Variants in ZNG1B observed in about 807,000 individuals in gnomAD.
The protein encoded by ZNG1B is Zn regulated GTPase metalloprotein activator 1B.
At chr2:113,477,799 C>G in the ZNG1B span, among the ~76,000 whole-genome samples, 2 of 152,230 alleles carry the variant, frequency 1.3e-5, no homozygotes, top group South Asian at 4.1e-4. Flanking sequence ...AAGCTTTATA[C>G]CCCTTGAATA....
the ZNG1B span, chr2:113,444,939 T>G: frequency 1.2e-6 from 2 of 1,608,556 alleles, no homozygotes; most frequent in Non-Finnish European, 1.7e-6. Flanking sequence ...TAATTAACTG[T>G]AAATGATGTT....
chr2:113,468,700 G>A, the ZNG1B span: 1 of 150,708 alleles, frequency 6.6e-6, no homozygotes, highest in Non-Finnish European at 1.5e-5. Context: ...TTGATGCCAT[G>A]GAAATTAGTT....
chr2:113,487,019 C>A, the ZNG1B span, among the ~76,000 whole-genome samples: 1 of 145,872 alleles, frequency 6.9e-6, no homozygotes, highest in Non-Finnish European at 1.5e-5. Flanking sequence ...TTATTATTAC[C>A]TTATGCTATA....
At chr2:113,444,607 C>G in the ZNG1B span, among the ~76,000 whole-genome samples, 3 of 151,822 alleles carry the variant, frequency 2.0e-5, no homozygotes, top group East Asian at 3.8e-4. Flanking sequence ...GTCCCTTTAG[C>G]TATTATATTA....
chr2:113,462,356 A>G, the ZNG1B span: 17 of 1,529,920 alleles, frequency 1.1e-5, no homozygotes, highest in Non-Finnish European at 1.4e-5. Flanking sequence ...ATTAATCTGC[A>G]TGCGTGTATA....
the ZNG1B span, among the ~76,000 whole-genome samples, chr2:113,472,299 T>C: frequency 2.0e-5 from 3 of 152,178 alleles, no homozygotes; most frequent in African/African-American, 7.2e-5. Flanking sequence ...GAAGTGTCTG[T>C]TCATGTCCTT....
At chr2:113,494,534 A>G in the ZNG1B span, 1 of 780,438 alleles carries the variant, frequency 1.3e-6, no homozygotes, top group African/African-American at 2.0e-5. Flanking sequence ...GTTTTTGGTA[A>G]ATTAAGAATA....
the ZNG1B span, among the ~76,000 whole-genome samples, chr2:113,463,863 G>C: frequency 6.6e-6 from 1 of 151,506 alleles, no homozygotes; most frequent in East Asian, 1.9e-4. Context: ...TAGTAAAAAA[G>C]GGAAGAAAGA....
chr2:113,453,632 T>G, the ZNG1B span, among the ~76,000 whole-genome samples: 9 of 148,354 alleles, frequency 6.1e-5, no homozygotes, highest in Admixed American at 1.4e-4. Flanking sequence ...CTTGCATTGT[T>G]GTTCTTTTCA....
the ZNG1B span, among the ~76,000 whole-genome samples, chr2:113,478,226 G>A: frequency 6.6e-6 from 1 of 151,936 alleles, no homozygotes; most frequent in Admixed American, 6.6e-5. Context: ...CATAGTGGGT[G>A]GCTCTACATT....
the ZNG1B span, among the ~76,000 whole-genome samples, chr2:113,442,265 A>T: frequency 6.6e-6 from 1 of 151,816 alleles, no homozygotes; most frequent in Non-Finnish European, 1.5e-5. Context: ...TCTCAACTGA[A>T]ATATTAAACT....
the ZNG1B span, among the ~76,000 whole-genome samples, chr2:113,491,935 C>T: frequency 3.3e-5 from 4 of 120,134 alleles, 1 homozygote; most frequent in East Asian, 3.9e-4. Flanking sequence ...AACCACAGTG[C>T]GATACCACCT....
the ZNG1B span, among the ~76,000 whole-genome samples, chr2:113,455,853 G>A: frequency 2.6e-5 from 2 of 77,552 alleles, no homozygotes; most frequent in East Asian, 5.4e-4. Flanking sequence ...CCTGAGTATC[G>A]GATTACAGGT....
the ZNG1B span, chr2:113,457,323 A>T: frequency 2.9e-6 from 1 of 350,302 alleles, no homozygotes; most frequent in African/African-American, 2.2e-5. Context: ...GACATTATGC[A>T]ATAATTTTTT....
the ZNG1B span, among the ~76,000 whole-genome samples, chr2:113,441,936 C>T: frequency 6.6e-6 from 1 of 152,140 alleles, no homozygotes; most frequent in Admixed American, 6.5e-5. Context: ...GACAGGGTTT[C>T]ACCATGTTGG....
the ZNG1B span, chr2:113,455,550 T>C: frequency 2.3e-6 from 3 of 1,283,138 alleles, no homozygotes; most frequent in Non-Finnish European, 3.0e-6. Context: ...TTTCTCAGCT[T>C]CCCAAGTGAA....
the ZNG1B span, among the ~76,000 whole-genome samples, chr2:113,472,501 C>T: frequency 4.6e-5 from 7 of 151,762 alleles, no homozygotes; most frequent in African/African-American, 1.7e-4. Flanking sequence ...TAGATCCCAT[C>T]TGTCAATTTT....
chr2:113,476,696 G>A, the ZNG1B span, among the ~76,000 whole-genome samples: 1 of 151,656 alleles, frequency 6.6e-6, no homozygotes, highest in South Asian at 2.1e-4. Flanking sequence ...ATCGGTTTTT[G>A]GTGTGGATGT....
At chr2:113,463,725 C>T in the ZNG1B span, among the ~76,000 whole-genome samples, 1 of 151,592 alleles carries the variant, frequency 6.6e-6, no homozygotes, top group Non-Finnish European at 1.5e-5. Context: ...TAATGCCTAT[C>T]ATAAGTTTGC....
Sources: allele counts gnomAD v4.1 joint callset (sites outside exome capture counted in the v4.1 genomes callset), GRCh38; gene constraint gnomAD v4.1.1; transcripts MANE v1.5; gene names NCBI Gene and HGNC (gene_info 2026-07-23, HGNC 2026-07-21).